BMPR2: variants seen among roughly 807,000 people sequenced by gnomAD.
The protein encoded by BMPR2 is bone morphogenetic protein receptor type-2.
A neutral mutation model predicts 100.8 loss-of-function variants in BMPR2; 29 were observed. The ratio of observed to expected loss-of-function variants is 0.29; its 90% CI spans 0.21 to 0.39. The LOEUF is 0.39. BMPR2 is among the 10% of genes least tolerant of loss of function. BMPR2 has a pLI of 1.00. For missense variants in BMPR2, 1,011 were observed against 1,274.5 expected (o/e 0.79, Z 3.15); for synonymous variants, 382 against 442.3 (o/e 0.86, Z 1.71).
rs71406975 is a variant in BMPR2, at chr2:202,388,396, CA to C, written c.76+10870del. ...TGGGTGACAGAGCGAGACTCCATCTCAAAAAAAAAAAAAAAAAAAAAAAACA... is the reference window on the plus strand; with the variant it reads ...TGGGTGACAGAGCGAGACTCCATCTCAAAAAAAAAAAAAAAAAAAAAAACA... On this transcript the variant is annotated intron_variant, in intron 1 of 12. Coordinates refer to ENST00000374580, the MANE Select transcript of BMPR2 (RefSeq NM_001204.7). Among the ~76,000 whole-genome samples the C allele has an allele frequency of 4.0e-3, 149 of 36,954 alleles. No individual in the cohort carries two copies. The East Asian group carries it at 0.054, about 13-fold the overall frequency. 24.2% of individuals were successfully genotyped at this position (36,954 alleles called of 152,430 possible). A position where few individuals can be genotyped will look rare whatever the true frequency, so the allele number is the denominator to read the frequency against.
intron 2 of BMPR2, among the ~76,000 whole-genome samples, chr2:202,466,317 C>A (rs1024236653): frequency 1.3e-5 from 2 of 152,020 alleles, no homozygotes; most frequent in African/African-American, 4.8e-5. Flanking sequence ...GATGGAGTCT[C>A]GCTCTGTTAC....
intron 1 of BMPR2, among the ~76,000 whole-genome samples, chr2:202,385,360 G>GGTTTTTTT (rs1690404553): frequency 9.1e-6 from 1 of 110,378 alleles, no homozygotes; most frequent in Non-Finnish European, 1.9e-5. Flanking sequence ...AAAAAAAGAT[G>GGTTTTTTT]CTTTTTTTTT....
chr2:202,412,608 C>T (rs12466016), intron 1 of BMPR2, among the ~76,000 whole-genome samples: 18,090 of 152,090 alleles, frequency 0.12, 1,190 homozygotes, highest in Admixed American at 0.14. Flanking sequence ...CGTGAGCCAC[C>T]GTGCCCGGCC....
At position 202,495,709 on chromosome 2, in the gene BMPR2, C is replaced by T. The variant is rs1693011691; in HGVS notation, c.419-18010C>T. On this transcript the variant is annotated intron_variant, in intron 3 of 12. Coordinates refer to ENST00000374580, the MANE Select transcript of BMPR2 (RefSeq NM_001204.7). The surrounding 1 kb of genome is among the most constrained non-coding windows in gnomAD (Gnocchi z 4.5). ...ACTTCCGTGTCATTTAAGGAGGGCA[C>T]ACTGTTCCCTTCCCAGCACTATAAC... 6.6e-6 allele frequency among the ~76,000 whole-genome samples: 1 copy of T among 152,214 alleles called. No homozygotes were observed. Among genetic ancestry groups the T allele is most frequent in the Non-Finnish European group, 1.5e-5 (1 of 68,034 alleles).
chr2:202,394,181 C>G (rs1188870229), intron 1 of BMPR2, among the ~76,000 whole-genome samples: 1 of 152,002 alleles, frequency 6.6e-6, no homozygotes, highest in Non-Finnish European at 1.5e-5. Context: ...GAAACCCTTT[C>G]TCTACTGAAA....
Position 202,559,801 on chromosome 2 carries a change from T to A in BMPR2, c.2972T>A (p.Ile991Asn). ...LKRWRPSTWV[I>N]STESLDCEVN... ...CGGTGGCGCCCCTCCACCTGGGTCA[T>A]CTCCACTGAATCGCTGGACTGTGAA... The change falls in exon 13 of 13, where the codon ATC becomes AAC. Residue 991 changes from isoleucine to asparagine, a missense_variant. Ile to Asn is a moderately radical substitution (Grantham distance 149). Transcript: ENST00000374580. 5 of 1,614,156 alleles carry A rather than the reference T, an allele frequency of 3.1e-6. No homozygotes were observed. The highest frequency in any genetic ancestry group is 4.2e-6 in the Non-Finnish European group (5 of 1,180,032).
At chr2:202,379,273 G>A (rs897828934) in intron 1 of BMPR2, among the ~76,000 whole-genome samples, 1 of 152,010 alleles carries the variant, frequency 6.6e-6, no homozygotes, top group African/African-American at 2.4e-5. Flanking sequence ...TTTTCATTTC[G>A]TCTTCATGAC....
intron 3 of BMPR2, among the ~76,000 whole-genome samples, chr2:202,501,851 G>A (rs888536505): frequency 9.9e-5 from 15 of 152,180 alleles, no homozygotes; most frequent in South Asian, 2.1e-4. Flanking sequence ...GGAACCAATC[G>A]AGCATGACTG....
intron 3 of BMPR2, 105 bp downstream of exon 3, chr2:202,467,794 C>A: frequency 8.3e-7 from 1 of 1,208,488 alleles, no homozygotes; most frequent in African/African-American, 1.5e-5. Flanking sequence ...CGTGATGGCT[C>A]ATGCCTGTAA....
rs1406176236 is a variant in BMPR2, at chr2:202,566,910, G to T, written c.*6964G>T. On this transcript the variant is annotated 3_prime_UTR_variant, in exon 13 of 13. Coordinates refer to ENST00000374580, the MANE Select transcript of BMPR2 (RefSeq NM_001204.7). ...TTACCAATCCTCGTAAGTATGTAAA[G>T]GAAACATATTTTTAAAGAAGCTTAA... 6.6e-6 allele frequency: 1 copy of T among 152,062 alleles called. No homozygotes were observed. Among genetic ancestry groups the T allele is most frequent in the Non-Finnish European group, 1.5e-5 (1 of 68,004 alleles). 9.4% of individuals were successfully genotyped at this position (152,062 alleles called of 1,614,324 possible).
At chr2:202,438,913 C>T (rs1691672508) in intron 1 of BMPR2, among the ~76,000 whole-genome samples, 1 of 150,604 alleles carries the variant, frequency 6.6e-6, no homozygotes, top group Non-Finnish European at 1.5e-5. Flanking sequence ...AATCCTCTGA[C>T]TTTGTTCTTC....
intron 1 of BMPR2, among the ~76,000 whole-genome samples, chr2:202,452,110 C>T (rs1574456717): frequency 6.6e-6 from 1 of 152,090 alleles, no homozygotes; most frequent in Non-Finnish European, 1.5e-5. Context: ...CCATACTCAA[C>T]ATACAGTACA....
At chr2:202,392,335 T>A (rs561818622) in intron 1 of BMPR2, among the ~76,000 whole-genome samples, 1 of 152,248 alleles carries the variant, frequency 6.6e-6, no homozygotes, top group African/African-American at 2.4e-5. Context: ...CCTCCCAAAG[T>A]GCTGAGATTA....
At chr2:202,542,503 T>C (rs1688295764) in intron 10 of BMPR2, 56 bp downstream of exon 10, 1 of 1,590,140 alleles carries the variant, frequency 6.3e-7, no homozygotes, top group African/African-American at 1.3e-5. Flanking sequence ...TGTTTTAATG[T>C]TGTTTGAAAC....
At chr2:202,521,046 T>C (rs141450900) in intron 7 of BMPR2, 171 of 153,618 alleles carry the variant, frequency 1.1e-3, no homozygotes, top group African/African-American at 3.5e-3. Flanking sequence ...TCTTCCTCCA[T>C]TGTTGCCATG....
Position 202,560,928 on chromosome 2 carries a change from A to T in BMPR2, c.*982A>T, listed in dbSNP as rs1456144019. ...TTGGTAAGCTTATAGAGCTACACTT[A>T]TGGAATTTTTAAGTAGGTAAATAAA... On this transcript the variant is annotated 3_prime_UTR_variant, in exon 13 of 13. Transcript: ENST00000374580. 2 of 152,324 alleles carry T rather than the reference A, an allele frequency of 1.3e-5. No homozygotes were observed. Among genetic ancestry groups the T allele is most frequent in the East Asian group, 3.9e-4 (2 of 5,194 alleles). 9.4% of individuals were successfully genotyped at this position (152,324 alleles called of 1,614,324 possible).
chr2:202,442,618 C>T (rs1298410376), intron 1 of BMPR2, among the ~76,000 whole-genome samples: 1 of 150,412 alleles, frequency 6.6e-6, no homozygotes, highest in Non-Finnish European at 1.5e-5. Context: ...CCTCTAGCTC[C>T]TGGCAACAAA....
chr2:202,455,833 A>T (rs1692086337), intron 1 of BMPR2, among the ~76,000 whole-genome samples: 1 of 151,954 alleles, frequency 6.6e-6, no homozygotes, highest in African/African-American at 2.4e-5. Context: ...TGGGAGGCCA[A>T]GGTGGGCAGA....
rs555717805 is a variant in BMPR2, at chr2:202,466,537, C to T, written c.248-982C>T. On this transcript the variant is annotated intron_variant, in intron 2 of 12. Transcript: ENST00000374580. ...CCTGACCCTCATGATCCGCCCACTTCGGCCTCCCAAAGTGCTGGGATTACA... is the reference window on the plus strand; with the variant it reads ...CCTGACCCTCATGATCCGCCCACTTTGGCCTCCCAAAGTGCTGGGATTACA... 2.3e-3 allele frequency among the ~76,000 whole-genome samples: 344 copies of T among 152,276 alleles called. 1 individual carries two copies. Among genetic ancestry groups the T allele is most frequent in the African/African-American group, 7.7e-3 (318 of 41,560 alleles).
Sources: allele counts gnomAD v4.1 joint callset (sites outside exome capture counted in the v4.1 genomes callset), GRCh38; gene constraint gnomAD v4.1.1; non-coding constraint Gnocchi (gnomAD v3.1); transcripts MANE v1.5; gene names NCBI Gene and HGNC (gene_info 2026-07-23, HGNC 2026-07-21).